MYLIP: variants seen among roughly 807,000 people sequenced by gnomAD.
MYLIP encodes the protein E3 ubiquitin-protein ligase MYLIP.
A neutral mutation model predicts 45.8 loss-of-function variants in MYLIP; 26 were observed. The ratio of observed to expected loss-of-function variants is 0.57; its 90% CI spans 0.42 to 0.79. The LOEUF (loss-of-function observed/expected upper bound fraction) is 0.79. MYLIP is among the 30% of genes least tolerant of loss of function. The probability of loss-of-function intolerance (pLI) is 0.00; values close to 1 mark genes in which losing one functional copy is unlikely to be tolerated. For missense variants in MYLIP, 494 were observed against 555.6 expected, an observed-to-expected ratio of 0.89 and a Z score of 1.11; for synonymous variants, 213 against 218.1, an observed-to-expected ratio of 0.98 and a Z score of 0.21.
At position 16,145,306 on chromosome 6, in the gene MYLIP, G is replaced by T. The variant is rs531259441; in HGVS notation, c.1237G>T (p.Ala413Ser). Residue 413 changes from alanine to serine, a missense_variant, in exon 6 of 7, where the codon GCC becomes TCC. By Grantham distance (99) the Ala-to-Ser change is moderately conservative. Coordinates refer to ENST00000356840, the MANE Select transcript of MYLIP (RefSeq NM_013262.4). Reference protein sequence around the residue: ...GHTVCCESCAAQLQSCPVCRS... With the variant: ...GHTVCCESCASQLQSCPVCRS... ...CACTGTGTGCTGTGAGAGCTGCGCC[G>T]CCCAGCTACAGGTAGGGGAGTCAGC... The T allele has an allele frequency of 6.3e-6, 10 of 1,587,314 alleles. No individual in the cohort carries two copies. The highest frequency in any genetic ancestry group is 8.6e-6 in the Non-Finnish European group (10 of 1,162,140).
rs1337995697 is a variant in MYLIP, at chr6:16,147,757, T to C, written c.*1006T>C. Reference sequence around the variant, plus strand: ...CTTTTCTGTTTTTGGGGGGGGAGTTTTGTTGTGTTTTTTTAAAGTAAGTGC... The same window carrying C: ...CTTTTCTGTTTTTGGGGGGGGAGTTCTGTTGTGTTTTTTTAAAGTAAGTGC... On this transcript the variant is annotated 3_prime_UTR_variant, in exon 7 of 7. Transcript: ENST00000356840. 1 of 152,606 alleles carries C rather than the reference T, an allele frequency of 6.6e-6. No individual in the cohort carries two copies. The highest frequency in any genetic ancestry group is 1.5e-5 in the Non-Finnish European group (1 of 68,062). The allele number at this position is 152,606 out of a possible 1,614,324, so 9.5% of individuals were successfully genotyped here.
chr6:16,129,744 C>G lies in MYLIP; in HGVS notation c.87+335C>G, dbSNP rs970577931. Among the ~76,000 whole-genome samples, 1 of 152,330 alleles carries G rather than the reference C, an allele frequency of 6.6e-6. No homozygotes were observed. The highest frequency in any genetic ancestry group is 2.4e-5 in the African/African-American group (1 of 41,584). Reference sequence around the variant, plus strand: ...TCCGCACACCTGCCGCAGGTATGTGCGTGATGCCGCCTGTCGGGTCCCCGC... The same window carrying G: ...TCCGCACACCTGCCGCAGGTATGTGGGTGATGCCGCCTGTCGGGTCCCCGC... On this transcript the variant is annotated intron_variant, in intron 1 of 6. Coordinates refer to ENST00000356840, the MANE Select transcript of MYLIP (RefSeq NM_013262.4). The surrounding 1 kb of genome is among the most constrained non-coding windows in gnomAD (Gnocchi z 5.1).
In MYLIP at chr6:16,145,075, G is replaced by A; in HGVS notation, c.1006G>A (p.Val336Met). 1 of 1,614,236 alleles carries A rather than the reference G, an allele frequency of 6.2e-7. No homozygotes were observed. The highest frequency in any genetic ancestry group is 1.1e-5 in the South Asian group (1 of 91,082). The stretch of plus-strand genomic sequence containing the variant: ...GAGGGCTCTGTACAATGCTGGCGTT[G>A]TGGACCTCGTTTCAAGAAACAACCA... ...ARRALYNAGV[V>M]DLVSRNNQSP... The change falls in exon 6 of 7, where the codon GTG becomes ATG. Residue 336 changes from valine to methionine, a missense_variant. By Grantham distance (21) the Val-to-Met change is conservative. Transcript: ENST00000356840.
Position 16,146,648 on chromosome 6 carries a change from C to T in MYLIP, c.1249-14C>T, listed in dbSNP as rs1759797650. The T allele has an allele frequency of 2.5e-6, 4 of 1,601,354 alleles. No homozygotes were observed. The African/African-American group carries it at 4.0e-5, about 16-fold the overall frequency. On this transcript the variant is annotated splice_polypyrimidine_tract_variant and intron_variant, in intron 6 of 6. Coordinates refer to ENST00000356840, the MANE Select transcript of MYLIP (RefSeq NM_013262.4). ...CTTGCATGCTAACAGAGACTGTTGG[C>T]TTTTCTTTCCCAGTCATGTCCCGTC...
chr6:16,142,213 C>G (rs1007992007), intron 3 of MYLIP, among the ~76,000 whole-genome samples: 7 of 152,234 alleles, frequency 4.6e-5, no homozygotes, highest in Admixed American at 2.0e-4. Context: ...GAAGTTAAGA[C>G]TGGGCCATTG....
chr6:16,135,741 G>A (rs1759536540), intron 2 of MYLIP, among the ~76,000 whole-genome samples: 3 of 105,202 alleles, frequency 2.9e-5, no homozygotes, highest in Non-Finnish European at 3.9e-5. Context: ...TTATATGTGT[G>A]TGTATACATA....
In MYLIP at chr6:16,143,215, T is replaced by C. The variant is rs372152789; in HGVS notation, c.660T>C (p.Asn220=). Reference sequence around the variant, plus strand: ...GTAAAGATGACTTTAGCCCAATTAATAGGTAAGCCAAGACTTAACTTTTTT... The same window carrying C: ...GTAAAGATGACTTTAGCCCAATTAACAGGTAAGCCAAGACTTAACTTTTTT... ...SICKDDFSPI[N]RIAYPVVQMA... Residue 220 remains asparagine, a splice_region_variant and synonymous_variant, in exon 4 of 7, where the codon AAT becomes AAC. Transcript: ENST00000356840. 1 of 1,614,230 alleles carries C rather than the reference T, an allele frequency of 6.2e-7. No homozygotes were observed. Among genetic ancestry groups the C allele is most frequent in the Non-Finnish European group, 8.5e-7 (1 of 1,180,034 alleles).
At chr6:16,157,149 C>T in the MYLIP span, among the ~76,000 whole-genome samples, 3 of 152,250 alleles carry the variant, frequency 2.0e-5, no homozygotes, top group Non-Finnish European at 4.4e-5. Flanking sequence ...CACTCCTGGA[C>T]CATTGCTGAA....
intron 2 of MYLIP, among the ~76,000 whole-genome samples, chr6:16,139,765 A>T (rs2113541875): frequency 6.6e-6 from 1 of 152,332 alleles, no homozygotes; most frequent in South Asian, 2.1e-4. Context: ...TACTTTAAAG[A>T]TTAGCAGATG....
the MYLIP span, among the ~76,000 whole-genome samples, chr6:16,158,438 G>T: frequency 5.3e-5 from 8 of 152,180 alleles, no homozygotes; most frequent in Middle Eastern, 3.2e-3. Flanking sequence ...AAAACAAAGA[G>T]ATACGATAAT....
chr6:16,129,943 A>G lies in MYLIP; in HGVS notation c.87+534A>G, dbSNP rs1308508834. The stretch of plus-strand genomic sequence containing the variant: ...TCCGGGTTTGCGGGGGACGGGAGGA[A>G]TAGGTTTGGGTCATCTACTGCTCGG... On this transcript the variant is annotated intron_variant, in intron 1 of 6. Coordinates refer to ENST00000356840, the MANE Select transcript of MYLIP (RefSeq NM_013262.4). This position sits in a 1 kb window ranked among gnomAD's most constrained non-coding sequence, Gnocchi z 5.1. 6.6e-6 allele frequency among the ~76,000 whole-genome samples: 1 copy of G among 152,168 alleles called. No homozygotes were observed. The highest frequency in any genetic ancestry group is 1.5e-5 in the Non-Finnish European group (1 of 68,016).
downstream of MYLIP, among the ~76,000 whole-genome samples, chr6:16,150,907 G>C (rs368529751): frequency 6.6e-5 from 10 of 152,088 alleles, no homozygotes; most frequent in African/African-American, 2.4e-4. Flanking sequence ...GAAGTTCTGG[G>C]GGGAAGTGTC....
chr6:16,156,866 T>A, the MYLIP span, among the ~76,000 whole-genome samples: 1 of 152,224 alleles, frequency 6.6e-6, no homozygotes, highest in African/African-American at 2.4e-5. Flanking sequence ...TCATTCCAGG[T>A]GTCTTCCTGC....
At chr6:16,153,803 G>A in the MYLIP span, among the ~76,000 whole-genome samples, 10 of 152,288 alleles carry the variant, frequency 6.6e-5, no homozygotes, top group South Asian at 8.3e-4. Context: ...CAGGCAGCAC[G>A]TTTTGAAATG....
chr6:16,153,514 G>A, the MYLIP span, among the ~76,000 whole-genome samples: 3 of 152,050 alleles, frequency 2.0e-5, no homozygotes. Context: ...AATAAAGAGA[G>A]GAAAAATGAA....
chr6:16,131,116 T>C (rs1287538845), intron 2 of MYLIP, among the ~76,000 whole-genome samples: 2 of 150,728 alleles, frequency 1.3e-5, no homozygotes, highest in Non-Finnish European at 2.9e-5. Context: ...AACCTCTGCC[T>C]CAGCAGTGTT....
chr6:16,162,304 C>T, the MYLIP span, among the ~76,000 whole-genome samples: 17 of 152,258 alleles, frequency 1.1e-4, no homozygotes, highest in Admixed American at 5.9e-4. Flanking sequence ...GAAAGATGGA[C>T]TGGGTCTAAT....
the MYLIP span, among the ~76,000 whole-genome samples, chr6:16,162,808 A>AAAAAAAAAAAAAAAAAAAAAAAAAAAAAC: frequency 6.6e-6 from 1 of 151,146 alleles, no homozygotes; most frequent in African/African-American, 2.4e-5. Flanking sequence ...AAAAAAAAGA[A>AAAAAAAAAAAAAAAAAAAAAAAAAAAAAC]ATTCATTTTA....
chr6:16,153,286 A>G, the MYLIP span, among the ~76,000 whole-genome samples: 1 of 152,224 alleles, frequency 6.6e-6, no homozygotes, highest in Non-Finnish European at 1.5e-5. Flanking sequence ...AAACGGTAGG[A>G]TAAAAATATA....
Sources: gnomAD v4.1 joint callset for allele counts (sites outside exome capture counted in the v4.1 genomes callset) on GRCh38, gnomAD v4.1.1 for gene constraint, Gnocchi (gnomAD v3.1) non-coding constraint, MANE v1.5 for transcripts, NCBI Gene and HGNC (gene_info 2026-07-23, HGNC 2026-07-21) for gene names.